UBE2E3: variants seen among roughly 807,000 people sequenced by gnomAD.
UBE2E3 encodes ubiquitin conjugating enzyme E2 E3, also known as ubiquitin-conjugating enzyme E2 E3.
A neutral mutation model predicts 23.6 loss-of-function variants in UBE2E3; 5 were observed. The observed-to-expected ratio is 0.21, with a 90% CI of 0.11 to 0.44. UBE2E3 has a LOEUF of 0.44. Among genes scored for constraint, UBE2E3 ranks in the 20% least tolerant of loss-of-function variants. The probability of loss-of-function intolerance (pLI) is 0.99; values close to 1 mark genes in which losing one functional copy is unlikely to be tolerated. For synonymous variants in UBE2E3, 78 were observed against 87.5 expected (o/e 0.89, Z 0.60); for missense variants, 81 against 249.8 (o/e 0.32, Z 4.55).
intron 4 of UBE2E3, among the ~76,000 whole-genome samples, chr2:181,059,261 T>C (rs1416343649): frequency 6.6e-6 from 1 of 151,740 alleles, no homozygotes; most frequent in Non-Finnish European, 1.5e-5. Flanking sequence ...GCTAAATCTT[T>C]TTGAAGTTTG....
At chr2:181,018,372 A>G (rs79605068) in intron 3 of UBE2E3, among the ~76,000 whole-genome samples, 1,228 of 87,672 alleles carry the variant, frequency 0.014, 12 homozygotes, top group African/African-American at 0.037. Flanking sequence ...GTGTGTGTGT[A>G]TATATATATA....
intron 3 of UBE2E3, among the ~76,000 whole-genome samples, chr2:180,985,740 TC>T (rs1684444587): frequency 6.6e-6 from 1 of 152,152 alleles, no homozygotes; most frequent in South Asian, 2.1e-4. Context: ...AATGTAAAGA[TC>T]TATCAATTCA....
At chr2:180,987,230 A>G (rs917385529) in intron 3 of UBE2E3, 28 of 1,237,920 alleles carry the variant, frequency 2.3e-5, no homozygotes, top group Middle Eastern at 1.9e-4. Context: ...ATGAGAGTCA[A>G]GGGAAATTGT....
At chr2:181,009,282 G>T (rs1685246264) in intron 3 of UBE2E3, among the ~76,000 whole-genome samples, 1 of 152,052 alleles carries the variant, frequency 6.6e-6, no homozygotes, top group Non-Finnish European at 1.5e-5. Context: ...GAAAATCAGT[G>T]ACCTTTTATA....
Position 181,045,515 on chromosome 2 carries a change from T to G in UBE2E3, c.246-12178T>G, listed in dbSNP as rs182814129. Among the ~76,000 whole-genome samples, 140 of 152,326 alleles carry G rather than the reference T, an allele frequency of 9.2e-4. No homozygotes were observed. In the South Asian group the frequency reaches 0.012, roughly 13 times the overall value. ...TTTTTCCCCATTCTTTCTGCATATC[T>G]GCTCTCCCCGTCTCCAGTTGTTTTG... On this transcript the variant is annotated intron_variant, in intron 3 of 5. Transcript: ENST00000410062.
In UBE2E3 at chr2:180,984,470, A is replaced by G. The variant is rs561997931; in HGVS notation, c.245+377A>G. Among the ~76,000 whole-genome samples the G allele has an allele frequency of 2.0e-5, 3 of 152,336 alleles. No individual in the cohort carries two copies. The East Asian group carries it at 5.8e-4, about 29-fold the overall frequency. ...CAATCTGAACTGACCTTCCACATTT[A>G]GAAATTGCTGAATGTGGTGTTACAA... On this transcript the variant is annotated intron_variant, in intron 3 of 5. Coordinates refer to ENST00000410062, the MANE Select transcript of UBE2E3 (RefSeq NM_006357.4).
chr2:180,996,562 T>C (rs1461437627), intron 3 of UBE2E3, among the ~76,000 whole-genome samples: 1 of 152,200 alleles, frequency 6.6e-6, no homozygotes. Flanking sequence ...GTGCTTTGAC[T>C]TGGAAGACAT....
chr2:181,022,836 TC>T (rs1685752362), intron 3 of UBE2E3, among the ~76,000 whole-genome samples: 1 of 152,086 alleles, frequency 6.6e-6, no homozygotes, highest in Non-Finnish European at 1.5e-5. Flanking sequence ...TTTTCTCCAC[TC>T]TGCGCATTGT....
At chr2:181,035,709 G>T (rs1034763407) in intron 3 of UBE2E3, among the ~76,000 whole-genome samples, 1 of 151,888 alleles carries the variant, frequency 6.6e-6, no homozygotes, top group Non-Finnish European at 1.5e-5. Context: ...TAAGCTCATC[G>T]GGTGTCATTA....
chr2:180,998,202 A>T (rs1376152651), intron 3 of UBE2E3, among the ~76,000 whole-genome samples: 1 of 152,034 alleles, frequency 6.6e-6, no homozygotes, highest in African/African-American at 2.4e-5. Context: ...TTTTAGAAAT[A>T]CTCGAGTTTG....
intron 3 of UBE2E3, among the ~76,000 whole-genome samples, chr2:181,049,109 G>C (rs1246859155): frequency 6.6e-6 from 1 of 152,048 alleles, no homozygotes; most frequent in Non-Finnish European, 1.5e-5. Context: ...AGAGGATAAA[G>C]ATATTCTTTA....
chr2:181,000,741 A>G (rs573120628), intron 3 of UBE2E3, among the ~76,000 whole-genome samples: 13 of 152,036 alleles, frequency 8.6e-5, no homozygotes, highest in Non-Finnish European at 1.9e-4. Context: ...TTTTTAGTAG[A>G]GATGGGGTTT....
At chr2:181,055,538 G>T (rs181999975) in intron 3 of UBE2E3, among the ~76,000 whole-genome samples, 3 of 151,818 alleles carry the variant, frequency 2.0e-5, no homozygotes, top group African/African-American at 7.2e-5. Context: ...ACACTACCTG[G>T]ATTTTAGGAC....
At chr2:181,006,313 T>A (rs1236803531) in intron 3 of UBE2E3, among the ~76,000 whole-genome samples, 1 of 152,116 alleles carries the variant, frequency 6.6e-6, no homozygotes, top group East Asian at 1.9e-4. Flanking sequence ...ATACTTTCAC[T>A]TGTTTTAAAG....
At chr2:181,056,690 G>A (rs62181575) in intron 3 of UBE2E3, among the ~76,000 whole-genome samples, 35,187 of 151,654 alleles carry the variant, frequency 0.23, 4,454 homozygotes, top group Non-Finnish European at 0.28. Context: ...AGCAGGGACA[G>A]ATCAAACCAT....
At chr2:181,062,304 C>T (rs891589707) in intron 5 of UBE2E3, among the ~76,000 whole-genome samples, 1 of 151,344 alleles carries the variant, frequency 6.6e-6, no homozygotes, top group Admixed American at 6.6e-5. Flanking sequence ...CTACTTAAAA[C>T]AAAATGGCAA....
At chr2:180,996,964 G>A (rs1325436682) in intron 3 of UBE2E3, among the ~76,000 whole-genome samples, 2 of 152,024 alleles carry the variant, frequency 1.3e-5, no homozygotes, top group African/African-American at 4.8e-5. Flanking sequence ...TGAGCTTAAT[G>A]TGTACGTATG....
intron 3 of UBE2E3, among the ~76,000 whole-genome samples, chr2:180,999,301 C>T (rs1379731630): frequency 1.3e-5 from 2 of 152,110 alleles, no homozygotes; most frequent in African/African-American, 4.8e-5. Context: ...TACCACAATA[C>T]CAAAAAAAGC....
chr2:181,020,200 G>A (rs933263727), intron 3 of UBE2E3, among the ~76,000 whole-genome samples: 1 of 144,394 alleles, frequency 6.9e-6, no homozygotes, highest in African/African-American at 2.4e-5. Flanking sequence ...AGTATAAGAT[G>A]TGGACAGGGC....
Sources: allele counts gnomAD v4.1 joint callset (sites outside exome capture counted in the v4.1 genomes callset), GRCh38; gene constraint gnomAD v4.1.1; transcripts MANE v1.5; gene names NCBI Gene and HGNC (gene_info 2026-07-23, HGNC 2026-07-21).